ALMS1: variants seen among roughly 807,000 people sequenced by gnomAD.
ALMS1 encodes centrosome-associated protein ALMS1.
Under a neutral mutation model 352.2 loss-of-function variants are expected in ALMS1, and 271 were observed. The observed-to-expected ratio is 0.77, with a 90% CI of 0.70 to 0.85. The LOEUF (loss-of-function observed/expected upper bound fraction) is 0.85, where lower values mean the gene tolerates loss of function less well. Ranked by LOEUF, ALMS1 falls within the 40% of genes least tolerant of loss-of-function variation. The pLI, the probability that ALMS1 is intolerant of heterozygous loss-of-function variation, is 0.00. For synonymous variants in ALMS1, 1,865 were observed against 1,761.2 expected (o/e 1.06, Z -1.48); for missense variants, 5,445 against 4,870.7 (o/e 1.12, Z -3.51).
At chr2:73,604,971 G>A (rs534057502) in intron 21 of ALMS1, among the ~76,000 whole-genome samples, 51 of 152,270 alleles carry the variant, frequency 3.3e-4, no homozygotes, top group African/African-American at 1.1e-3. Flanking sequence ...GGAGGTACAC[G>A]GGAAGCACTT....
intron 17 of ALMS1, among the ~76,000 whole-genome samples, chr2:73,600,102 C>A (rs1166561535): frequency 1.3e-5 from 2 of 151,738 alleles, no homozygotes; most frequent in Non-Finnish European, 2.9e-5. Context: ...TAGCATACTA[C>A]AATATGAATT....
At position 73,424,550 on chromosome 2, in the gene ALMS1, ATC is replaced by A; in HGVS notation, c.888_889del (p.Gln297AlafsTer19). The A allele has an allele frequency of 6.2e-7, 1 of 1,613,764 alleles. No homozygotes were observed. Among genetic ancestry groups the A allele is most frequent in the Non-Finnish European group, 8.5e-7 (1 of 1,179,880 alleles). ...ACTTAGCAAGCAGTCGCTTTAGTGT[ATC>A]TCAGCACCCGCTTATAGGCAGCACA... is the stretch of plus-strand genomic sequence containing the variant. Reference protein sequence around the residue: ...SDLASSRFSVSQHPLIGSTAV... With the variant: ...SDLASSRFSVXQHPLIGSTAV... On this transcript the variant is annotated frameshift_variant, in exon 5 of 23. Coordinates refer to ENST00000613296, the MANE Select transcript of ALMS1 (RefSeq NM_001378454.1). LOFTEE classifies it high-confidence loss of function.
At position 73,541,926 on chromosome 2, in the gene ALMS1, T is replaced by C. The variant is rs190397130; in HGVS notation, c.9907+6977T>C. 5.4e-3 allele frequency among the ~76,000 whole-genome samples: 823 copies of C among 152,320 alleles called. 10 individuals are homozygous for C. Among genetic ancestry groups the C allele is most frequent in the African/African-American group, 0.018 (735 of 41,558 alleles). On this transcript the variant is annotated intron_variant, in intron 12 of 22. Coordinates refer to ENST00000613296, the MANE Select transcript of ALMS1 (RefSeq NM_001378454.1). ...AGGACCAGATGGATTCACAGCCGAATTGTACCAGAGGTACAAGGAGGAGCT... is the reference window on the plus strand; with the variant it reads ...AGGACCAGATGGATTCACAGCCGAACTGTACCAGAGGTACAAGGAGGAGCT...
rs560654048 is a variant in ALMS1 at position 73,528,562 on chromosome 2, A to G, written c.9782-6262A>G. 2.0e-5 allele frequency among the ~76,000 whole-genome samples: 3 copies of G among 151,380 alleles called. No homozygotes were observed. In the East Asian group the frequency reaches 5.8e-4, roughly 29 times the overall value. ...CTGTTCTTCCTCTCTTTTGGTTTCT[A>G]TTTGCGTGGGATATCTTTTTCCATC... On this transcript the variant is annotated intron_variant, in intron 11 of 22. Coordinates refer to ENST00000613296, the MANE Select transcript of ALMS1 (RefSeq NM_001378454.1).
In ALMS1 at chr2:73,602,332, G is replaced by A; in HGVS notation, c.12262G>A (p.Gly4088Ser). Residue 4088 changes from glycine (G) to serine (S), a missense_variant, in exon 20 of 23, where the codon GGC becomes AGC. Physicochemically the swap from Gly to Ser is moderately conservative, Grantham distance 56. Coordinates refer to ENST00000613296, the MANE Select transcript of ALMS1 (RefSeq NM_001378454.1). ...ATTCAACATTGACAGGGAACGGCAG[G>A]GCCACCAGAATCGCATGTGCCCGCT... ...ALFNIDRERQ[G>S]HQNRMCPLPK... 3 of 1,614,162 alleles carry A rather than the reference G, an allele frequency of 1.9e-6. No individual in the cohort carries two copies. The highest frequency in any genetic ancestry group is 1.3e-5 in the African/African-American group (1 of 75,040).
chr2:73,480,029 T>C (rs1311565194), intron 9 of ALMS1, among the ~76,000 whole-genome samples: 1 of 152,090 alleles, frequency 6.6e-6, no homozygotes, highest in Non-Finnish European at 1.5e-5. Flanking sequence ...TTAAGTGAAA[T>C]GTCTGTATCT....
chr2:73,546,587 TAAG>T (rs1310988207), intron 12 of ALMS1, among the ~76,000 whole-genome samples: 1 of 152,000 alleles, frequency 6.6e-6, no homozygotes, highest in African/African-American at 2.4e-5. Flanking sequence ...GCTAAGAAAA[TAAG>T]AAGAGTTCCA....
chr2:73,524,678 C>T (rs1428235001), intron 11 of ALMS1, among the ~76,000 whole-genome samples: 8 of 152,146 alleles, frequency 5.3e-5, no homozygotes, highest in Non-Finnish European at 1.0e-4. Context: ...GTCTCGAACT[C>T]CTGATCTCAA....
chr2:73,508,042 GTCATT>G (rs1673368814), intron 10 of ALMS1, among the ~76,000 whole-genome samples: 1 of 152,104 alleles, frequency 6.6e-6, no homozygotes, highest in Non-Finnish European at 1.5e-5. Context: ...TTAGCCAGTA[GTCATT>G]CAGGAGCAGG....
At chr2:73,425,632 TA>T (rs1671363983) in intron 5 of ALMS1, among the ~76,000 whole-genome samples, 1 of 152,122 alleles carries the variant, frequency 6.6e-6, no homozygotes. Context: ...GAGAGTACAG[TA>T]AATGAAATCC....
intron 1 of ALMS1, among the ~76,000 whole-genome samples, chr2:73,387,524 G>A (rs994938768): frequency 6.6e-6 from 1 of 152,120 alleles, no homozygotes; most frequent in Non-Finnish European, 1.5e-5. Flanking sequence ...TCTAGCTGAG[G>A]GAAAAACACA....
At chr2:73,415,109 A>G (rs956013214) in intron 2 of ALMS1, among the ~76,000 whole-genome samples, 9 of 152,004 alleles carry the variant, frequency 5.9e-5, no homozygotes, top group Non-Finnish European at 2.9e-5. Flanking sequence ...TTCTCCCTCA[A>G]AATTTGTTTG....
chr2:73,537,586 C>T (rs1216113268), intron 12 of ALMS1, among the ~76,000 whole-genome samples: 1 of 152,024 alleles, frequency 6.6e-6, no homozygotes, highest in Non-Finnish European at 1.5e-5. Context: ...ACTTCAGTGG[C>T]CATATATAAA....
chr2:73,592,141 A>G (rs544448825), intron 16 of ALMS1, among the ~76,000 whole-genome samples: 1 of 152,174 alleles, frequency 6.6e-6, no homozygotes, highest in Non-Finnish European at 1.5e-5. Flanking sequence ...TTCTTCACAT[A>G]CCAAAATAAA....
rs189914793 is a variant in ALMS1 at position 73,449,902 on chromosome 2, A to G, written c.3375A>G (p.Val1125=). Residue 1125 remains valine (V), a synonymous_variant, in exon 8 of 23, where the codon GTA becomes GTG. Transcript: ENST00000613296. ...HLPKEALKIS[V]APGLADQKTG... ...CTAAAGAGGCTCTGAAAATTTCAGT[A>G]GCTCCTGGACTAGCAGACCAGAAGA... 7.4e-5 allele frequency: 120 copies of G among 1,612,638 alleles called. No homozygotes were observed. In the African/African-American group the frequency reaches 1.3e-3, roughly 18 times the overall value.
Position 73,452,667 on chromosome 2 carries a change from C to T in ALMS1, c.6140C>T (p.Ser2047Phe), listed in dbSNP as rs749618073. The change falls in exon 8 of 23, where the codon TCC (serine) becomes TTC (phenylalanine). Residue 2047 changes from serine (S) to phenylalanine (F), a missense_variant. Coordinates refer to ENST00000613296, the MANE Select transcript of ALMS1 (RefSeq NM_001378454.1). Reference protein sequence around the residue: ...KTPSQTAFHSSYSQTVKPNIL... With the variant: ...KTPSQTAFHSFYSQTVKPNIL... Reference sequence around the variant, plus strand: ...CCATCCCAGACAGCTTTTCATAGTTCCTATTCTCAAACAGTAAAGCCCAAT... The same window carrying T: ...CCATCCCAGACAGCTTTTCATAGTTTCTATTCTCAAACAGTAAAGCCCAAT... 1.2e-6 allele frequency: 2 copies of T among 1,613,912 alleles called. No homozygotes were observed. The highest frequency in any genetic ancestry group is 2.2e-5 in the South Asian group (2 of 91,078).
At chr2:73,462,887 A>G (rs886289759) in intron 9 of ALMS1, 3 of 152,122 alleles carry the variant, frequency 2.0e-5, no homozygotes, top group Admixed American at 2.0e-4. Context: ...TAAAGGGATC[A>G]ATTCAACAAG....
intron 3 of ALMS1, among the ~76,000 whole-genome samples, chr2:73,421,395 G>T (rs1459736732): frequency 1.3e-5 from 2 of 152,132 alleles, no homozygotes; most frequent in Non-Finnish European, 2.9e-5. Context: ...ATCAGCTCTA[G>T]TGTATTTGGG....
chr2:73,452,832 A>T lies in ALMS1; in HGVS notation c.6305A>T (p.Asn2102Ile). Residue 2102 changes from asparagine (N) to isoleucine (I), a missense_variant, in exon 8 of 23, where the codon AAT becomes ATT. Asn to Ile is a moderately radical substitution (Grantham distance 149). Transcript: ENST00000613296. ...TCTTATTTTCACAGAGAGAAATCGA[A>T]TATTTTCAGTCCACAGGAATTGCCA... ...SSSYFHREKSNIFSPQELPGS... is the reference protein window; with the variant it reads ...SSSYFHREKSIIFSPQELPGS... 1 of 1,613,862 alleles carries T rather than the reference A, an allele frequency of 6.2e-7. No individual in the cohort carries two copies. Among genetic ancestry groups the T allele is most frequent in the Non-Finnish European group, 8.5e-7 (1 of 1,179,984 alleles).
Sources: allele counts gnomAD v4.1 joint callset (sites outside exome capture counted in the v4.1 genomes callset), GRCh38; gene constraint gnomAD v4.1.1; transcripts MANE v1.5; gene names NCBI Gene and HGNC (gene_info 2026-07-23, HGNC 2026-07-21).